Variants in VWA8 observed in about 807,000 individuals in gnomAD.
VWA8 encodes the protein von Willebrand factor A domain-containing protein 8.
A neutral mutation model predicts 241.5 loss-of-function variants in VWA8; 221 were observed. The ratio of observed to expected loss-of-function variants is 0.91; its 90% CI spans 0.82 to 1.02. VWA8 has a LOEUF of 1.02. VWA8 is among the 50% of genes least tolerant of loss of function. The pLI is 0.00. For synonymous variants in VWA8, 852 were observed against 827.1 expected (o/e 1.03, Z -0.52); for missense variants, 2,322 against 2,328.7 (o/e 1.00, Z 0.06).
At chr13:41,593,866 G>T (rs1454041913) in intron 40 of VWA8, among the ~76,000 whole-genome samples, 6 of 152,130 alleles carry the variant, frequency 3.9e-5, no homozygotes, top group African/African-American at 1.2e-4. Flanking sequence ...CATGGAACTT[G>T]GATTCTTGGG....
At chr13:41,938,931 A>C (rs1349014220) in intron 2 of VWA8, among the ~76,000 whole-genome samples, 1 of 152,212 alleles carries the variant, frequency 6.6e-6, no homozygotes, top group Non-Finnish European at 1.5e-5. Flanking sequence ...TTTCCATGCT[A>C]TCATTTATGA....
chr13:41,936,708 C>T (rs1159226258), intron 2 of VWA8, among the ~76,000 whole-genome samples: 1 of 152,086 alleles, frequency 6.6e-6, no homozygotes, highest in Non-Finnish European at 1.5e-5. Flanking sequence ...TAGTTATTAA[C>T]AATGTATTGC....
rs71096546 is a variant in VWA8 at position 41,829,530 on chromosome 13, TACACACACACAC to T, written c.1700+987_1700+998del. 7.1e-3 allele frequency among the ~76,000 whole-genome samples: 991 copies of T among 139,828 alleles called. 7 individuals carry two copies. Among genetic ancestry groups the T allele is most frequent in the African/African-American group, 0.023 (889 of 38,886 alleles). The allele number at this position is 139,828 out of a possible 152,430, so 91.7% of individuals were successfully genotyped here. On this transcript the variant is annotated intron_variant, in intron 14 of 44. Coordinates refer to ENST00000379310, the MANE Select transcript of VWA8 (RefSeq NM_015058.2). ...CAACGAGTGGATAAAGGAAATGTGA[TACACACACACAC>T]ACACACACACACACACACACACACA... is the stretch of plus-strand genomic sequence containing the variant.
At chr13:41,869,388 C>T (rs944276400) in intron 9 of VWA8, among the ~76,000 whole-genome samples, 3 of 152,070 alleles carry the variant, frequency 2.0e-5, no homozygotes, top group African/African-American at 7.2e-5. Context: ...AATCCCAGCA[C>T]TTTGGGACGC....
intron 2 of VWA8, among the ~76,000 whole-genome samples, chr13:41,928,414 T>A (rs528948689): frequency 1.3e-5 from 2 of 152,000 alleles, no homozygotes; most frequent in African/African-American, 4.8e-5. Context: ...CAGATCATAA[T>A]GATATGAAAC....
intron 15 of VWA8, among the ~76,000 whole-genome samples, chr13:41,818,641 A>G (rs765187796): frequency 1.3e-5 from 2 of 152,168 alleles, no homozygotes; most frequent in East Asian, 1.9e-4. Context: ...TAAAACTCCA[A>G]AAGTGCTAAC....
chr13:41,572,465 C>T (rs2044314019), intron 43 of VWA8, among the ~76,000 whole-genome samples: 1 of 152,194 alleles, frequency 6.6e-6, no homozygotes, highest in South Asian at 2.1e-4. Context: ...ATTCTTCTGC[C>T]TTGGGATGCT....
chr13:41,724,870 G>T (rs542382157), intron 24 of VWA8, among the ~76,000 whole-genome samples: 1 of 152,138 alleles, frequency 6.6e-6, no homozygotes, highest in Non-Finnish European at 1.5e-5. Flanking sequence ...TTGGAGCTGC[G>T]AGGAGAGAGA....
intron 17 of VWA8, among the ~76,000 whole-genome samples, chr13:41,789,480 A>G (rs1869355805): frequency 6.6e-6 from 1 of 152,220 alleles, no homozygotes; most frequent in South Asian, 2.1e-4. Flanking sequence ...ACAAAAAAAA[A>G]TTGGAAAAGC....
At chr13:41,762,611 G>A (rs1222194042) in intron 20 of VWA8, among the ~76,000 whole-genome samples, 2 of 152,094 alleles carry the variant, frequency 1.3e-5, no homozygotes, top group Non-Finnish European at 2.9e-5. Context: ...TAGGTAGACT[G>A]GGGCAATGCA....
Position 41,783,886 on chromosome 13 carries a change from C to A in VWA8, c.2186G>T (p.Gly729Val). ...LKDYKCEVTS[G>V]TLRIGAVSAP... ...ACTAACAGCACCAATCCTCAGAGTTCCAGATGTTACTTCACCTAAACATTT... is the reference window on the plus strand; with the variant it reads ...ACTAACAGCACCAATCCTCAGAGTTACAGATGTTACTTCACCTAAACATTT... Residue 729 changes from glycine (G) to valine (V), a missense_variant, in exon 19 of 45, where the codon GGA (glycine) becomes GTA (valine). By Grantham distance (109) the Gly-to-Val change is moderately radical. Transcript: ENST00000379310. The A allele has an allele frequency of 6.2e-7, 1 of 1,613,322 alleles. No individual in the cohort carries two copies. Among genetic ancestry groups the A allele is most frequent in the South Asian group, 1.1e-5 (1 of 90,978 alleles).
chr13:41,793,685 G>A (rs940550293), intron 17 of VWA8, among the ~76,000 whole-genome samples: 4 of 152,134 alleles, frequency 2.6e-5, no homozygotes, highest in Admixed American at 6.5e-5. Flanking sequence ...GCCTGGTGGT[G>A]CACGCCTGTA....
chr13:41,878,172 CCTT>C (rs1873991591), intron 9 of VWA8, among the ~76,000 whole-genome samples: 2 of 151,734 alleles, frequency 1.3e-5, no homozygotes, highest in Non-Finnish European at 1.5e-5. Flanking sequence ...TATATACATA[CCTT>C]CTTAATTTAC....
intron 21 of VWA8, among the ~76,000 whole-genome samples, chr13:41,749,417 C>G (rs1369440526): frequency 6.6e-6 from 1 of 152,162 alleles, no homozygotes; most frequent in African/African-American, 2.4e-5. Context: ...GGACTGTAAA[C>G]TAGTTCAACC....
chr13:41,905,604 C>G (rs894797066), intron 4 of VWA8, among the ~76,000 whole-genome samples: 2 of 152,086 alleles, frequency 1.3e-5, no homozygotes, highest in South Asian at 2.1e-4. Context: ...ATCTTCCCTC[C>G]CCAACCTTTT....
chr13:41,877,171 C>A (rs1326637657), intron 9 of VWA8, among the ~76,000 whole-genome samples: 1 of 152,052 alleles, frequency 6.6e-6, no homozygotes, highest in Non-Finnish European at 1.5e-5. Flanking sequence ...CCCACTTTAT[C>A]ATATTAATTA....
chr13:41,647,094 T>G (rs2139685133), intron 37 of VWA8, among the ~76,000 whole-genome samples: 1 of 152,332 alleles, frequency 6.6e-6, no homozygotes, highest in Non-Finnish European at 1.5e-5. Flanking sequence ...TCCTCACATA[T>G]TACACACACA....
chr13:41,928,448 C>A (rs1418174571), intron 2 of VWA8, among the ~76,000 whole-genome samples: 1 of 151,886 alleles, frequency 6.6e-6, no homozygotes, highest in Admixed American at 6.6e-5. Flanking sequence ...CAGGAAGAAT[C>A]CTGGAAAATT....
intron 20 of VWA8, among the ~76,000 whole-genome samples, chr13:41,764,149 C>G (rs554366210): frequency 1.3e-5 from 2 of 152,276 alleles, no homozygotes; most frequent in South Asian, 2.1e-4. Context: ...TATAACAGCA[C>G]AGCCAAGTAC....
Sources: allele counts gnomAD v4.1 joint callset (sites outside exome capture counted in the v4.1 genomes callset), GRCh38; gene constraint gnomAD v4.1.1; transcripts MANE v1.5; gene names NCBI Gene and HGNC (gene_info 2026-07-23, HGNC 2026-07-21).